Variants in AMBRA1 observed in about 807,000 individuals in gnomAD.
AMBRA1 encodes autophagy and beclin 1 regulator 1.
AMBRA1 carries 47 observed loss-of-function variants against 125.4 expected under a neutral mutation model. The ratio of observed to expected loss-of-function variants is 0.37; its 90% CI spans 0.30 to 0.48. The LOEUF (loss-of-function observed/expected upper bound fraction) is 0.48, where lower values mean the gene tolerates loss of function less well. AMBRA1 is among the 20% of genes least tolerant of loss of function. The pLI is 0.99. For missense variants in AMBRA1, 1,331 were observed against 1,693.4 expected (o/e 0.79, Z 3.76); for synonymous variants, 626 against 655.5 (o/e 0.95, Z 0.69).
chr11:46,420,214 C>A (rs753123371), intron 14 of AMBRA1, among the ~76,000 whole-genome samples: 29 of 152,316 alleles, frequency 1.9e-4, no homozygotes, highest in South Asian at 1.2e-3. Flanking sequence ...TAGGACTCAA[C>A]TCCAAATGTA....
At chr11:46,533,949 T>C (rs1212828274) in intron 7 of AMBRA1, among the ~76,000 whole-genome samples, 1 of 151,846 alleles carries the variant, frequency 6.6e-6, no homozygotes, top group Non-Finnish European at 1.5e-5. Flanking sequence ...CGCCCTTTCC[T>C]CTGTCTAAAA....
At chr11:46,433,808 T>C (rs1947570400) in intron 13 of AMBRA1, among the ~76,000 whole-genome samples, 180 bp from the exon 14 acceptor site, 1 of 152,082 alleles carries the variant, frequency 6.6e-6, no homozygotes, top group South Asian at 2.1e-4. Flanking sequence ...GAGTGTAGTG[T>C]TTGACATATA....
intron 1 of AMBRA1, among the ~76,000 whole-genome samples, chr11:46,555,602 G>A (rs1455877274): frequency 6.6e-6 from 1 of 152,158 alleles, no homozygotes; most frequent in Middle Eastern, 3.2e-3. Flanking sequence ...CCCAAGAGTA[G>A]CAGATTTCTA....
At chr11:46,573,663 CTTT>C (rs142367481) in intron 1 of AMBRA1, among the ~76,000 whole-genome samples, 9 of 138,700 alleles carry the variant, frequency 6.5e-5, no homozygotes, top group Non-Finnish European at 1.3e-4. Flanking sequence ...AATCCTTTTT[CTTT>C]TTTTTTTTTT....
chr11:46,507,478 CAAAA>C (rs778680920), intron 9 of AMBRA1, among the ~76,000 whole-genome samples: 4 of 91,106 alleles, frequency 4.4e-5, no homozygotes, highest in African/African-American at 1.3e-4. Context: ...GACTCCGTCT[CAAAA>C]AAAAAAAAAA....
At chr11:46,586,545 A>G (rs2044407674) in intron 1 of AMBRA1, among the ~76,000 whole-genome samples, 1 of 151,964 alleles carries the variant, frequency 6.6e-6, no homozygotes. Flanking sequence ...TTAACTTCCT[A>G]TTCCCTATTA....
intron 8 of AMBRA1, among the ~76,000 whole-genome samples, chr11:46,510,178 T>G (rs1951203668): frequency 6.6e-6 from 1 of 152,180 alleles, no homozygotes; most frequent in Non-Finnish European, 1.5e-5. Flanking sequence ...ATAATATCTG[T>G]GTATAGCAAG....
At chr11:46,432,307 A>G (rs1176422262) in intron 14 of AMBRA1, among the ~76,000 whole-genome samples, 1 of 152,298 alleles carries the variant, frequency 6.6e-6, no homozygotes, top group South Asian at 2.1e-4. Flanking sequence ...AGAAAGTAAA[A>G]AGCTTGCAGG....
At chr11:46,512,640 G>A in intron 8 of AMBRA1, 87 bp downstream of exon 8, 1 of 996,002 alleles carries the variant, frequency 1.0e-6, no homozygotes, top group Non-Finnish European at 1.5e-6. Context: ...CAGGACCAGA[G>A]AGGCACAGAA....
At chr11:46,456,173 T>C (rs1948835451) in intron 11 of AMBRA1, among the ~76,000 whole-genome samples, 1 of 152,068 alleles carries the variant, frequency 6.6e-6, no homozygotes, top group Non-Finnish European at 1.5e-5. Context: ...TACTGAAAGA[T>C]TACTAGGAAC....
At chr11:46,411,982 T>A (rs1946316671) in intron 15 of AMBRA1, among the ~76,000 whole-genome samples, 1 of 152,146 alleles carries the variant, frequency 6.6e-6, no homozygotes, top group Non-Finnish European at 1.5e-5. Flanking sequence ...GAATACTACT[T>A]GCTTCTTTGA....
chr11:46,532,308 C>T (rs577010136), intron 7 of AMBRA1, among the ~76,000 whole-genome samples: 24 of 152,270 alleles, frequency 1.6e-4, no homozygotes, highest in African/African-American at 5.5e-4. Context: ...CAAATGTACA[C>T]TAACACCTCA....
At chr11:46,572,162 G>C (rs145514359) in intron 1 of AMBRA1, among the ~76,000 whole-genome samples, 1 of 152,042 alleles carries the variant, frequency 6.6e-6, no homozygotes, top group Non-Finnish European at 1.5e-5. Context: ...TTTGCTGGGC[G>C]TGGTGGCGCC....
At chr11:46,532,241 T>C (rs947008041) in intron 7 of AMBRA1, among the ~76,000 whole-genome samples, 1 of 152,200 alleles carries the variant, frequency 6.6e-6, no homozygotes, top group South Asian at 2.1e-4. Context: ...CCAGTATGTA[T>C]GTGATTGTCA....
intron 15 of AMBRA1, among the ~76,000 whole-genome samples, chr11:46,416,718 C>T (rs1049248391): frequency 1.3e-5 from 2 of 152,204 alleles, no homozygotes; most frequent in Non-Finnish European, 1.5e-5. Flanking sequence ...CTGCAGAACA[C>T]TCTGGGAAAA....
chr11:46,542,677 A>G lies in AMBRA1; in HGVS notation c.1340T>C (p.Leu447Ser), dbSNP rs1222411459. Residue 447 changes from leucine (L) to serine (S), a missense_variant, in exon 7 of 18, where the codon TTG (leucine) becomes TCG (serine). Leu to Ser is a moderately radical substitution (Grantham distance 145, BLOSUM62 -2). This residue lies in a region of AMBRA1 where 689 missense variants were observed against 776.5 expected (regional missense o/e 0.89). Transcript: ENST00000683756. The surrounding 1 kb of genome is among the most constrained non-coding windows in gnomAD (Gnocchi z 5.9). ...PPRTSASSVSLLSVLRQQEGG... is the reference protein window; with the variant it reads ...PPRTSASSVSSLSVLRQQEGG... ...TTCCTGCTGTCTCAGCACAGACAGCAAACTCACCGAAGAGGCACTGGTTCT... is the reference window on the plus strand; with the variant it reads ...TTCCTGCTGTCTCAGCACAGACAGCGAACTCACCGAAGAGGCACTGGTTCT... The G allele has an allele frequency of 7.4e-6, 12 of 1,614,094 alleles. No homozygotes were observed. The highest frequency in any genetic ancestry group is 2.7e-5 in the African/African-American group (2 of 74,932).
At chr11:46,398,601 C>T (rs888690172) in intron 17 of AMBRA1, among the ~76,000 whole-genome samples, 3 of 152,038 alleles carry the variant, frequency 2.0e-5, no homozygotes, top group East Asian at 1.9e-4. Context: ...TCTCCTGCCT[C>T]GGCCTCCTGA....
At chr11:46,576,870 A>G (rs2043976518) in intron 1 of AMBRA1, among the ~76,000 whole-genome samples, 1 of 152,226 alleles carries the variant, frequency 6.6e-6, no homozygotes, top group Non-Finnish European at 1.5e-5. Context: ...TGCTCTGAAG[A>G]TGATAGGAAG....
intron 9 of AMBRA1, among the ~76,000 whole-genome samples, chr11:46,496,554 G>C (rs1362069964): frequency 6.6e-6 from 1 of 152,076 alleles, no homozygotes; most frequent in African/African-American, 2.4e-5. Context: ...CAACAAACAC[G>C]AATCTATCTC....
Sources: gnomAD v4.1 joint callset for allele counts (sites outside exome capture counted in the v4.1 genomes callset) on GRCh38, gnomAD v4.1.1 for gene constraint, gnomAD v4.1.1 regional missense constraint, Gnocchi (gnomAD v3.1) non-coding constraint, MANE v1.5 for transcripts, NCBI Gene and HGNC (gene_info 2026-07-23, HGNC 2026-07-21) for gene names.